VWA2: variants seen among roughly 807,000 people sequenced by gnomAD.
VWA2 encodes von Willebrand factor A domain-containing protein 2.
A neutral mutation model predicts 70.4 loss-of-function variants in VWA2; 73 were observed. The ratio of observed to expected loss-of-function variants is 1.04; its 90% CI spans 0.86 to 1.26. VWA2 has a LOEUF of 1.26. VWA2 is among the 50% of genes most tolerant of loss of function. The pLI, the probability that VWA2 is intolerant of heterozygous loss-of-function variation, is 0.00. For missense variants in VWA2, 1,011 were observed against 998.5 expected (o/e 1.01, Z -0.17); for synonymous variants, 407 against 423.3 (o/e 0.96, Z 0.47).
intron 12 of VWA2, chr10:114,289,921 G>A: frequency 3.2e-6 from 1 of 316,314 alleles, no homozygotes; most frequent in Non-Finnish European, 5.9e-6. Context: ...GAACCCGGGA[G>A]GTGGAGGTTG....
rs914546594 is a variant in VWA2 at position 114,273,029 on chromosome 10, G to A, written c.566+95G>A. The A allele has an allele frequency of 1.4e-4, 151 of 1,067,022 alleles. 2 individuals carry two copies. Among genetic ancestry groups the A allele is most frequent in the South Asian group, 2.6e-4 (13 of 50,156 alleles). The allele number at this position is 1,067,022 out of a possible 1,614,324, so 66.1% of individuals were successfully genotyped here. ...GGGAAGGGAGGGGACTGGAAGAGCC[G>A]TCCAGGTCCTTCCCTGGATCTGTCT... On this transcript the variant is annotated intron_variant, in intron 6 of 13. Coordinates refer to ENST00000392982, the MANE Select transcript of VWA2 (RefSeq NM_001272046.2).
At chr10:114,246,459 C>T (rs571633313) in intron 1 of VWA2, 3 of 630,986 alleles carry the variant, frequency 4.8e-6, no homozygotes, top group African/African-American at 3.8e-5. Flanking sequence ...CAAGACCATG[C>T]CATTGCATTC....
chr10:114,269,605 G>T (rs945175584), intron 5 of VWA2, among the ~76,000 whole-genome samples: 4 of 152,116 alleles, frequency 2.6e-5, no homozygotes, highest in Non-Finnish European at 5.9e-5. Context: ...ACAAAATCTG[G>T]CTGGAACCCA....
chr10:114,271,503 A>G (rs910580446), intron 5 of VWA2, among the ~76,000 whole-genome samples: 13 of 152,122 alleles, frequency 8.5e-5, no homozygotes, highest in Non-Finnish European at 2.9e-5. Context: ...AGGTGGAACC[A>G]TAACATGAAA....
At chr10:114,262,234 G>A (rs1197711830) in intron 5 of VWA2, among the ~76,000 whole-genome samples, 1 of 151,576 alleles carries the variant, frequency 6.6e-6, no homozygotes, top group African/African-American at 2.4e-5. Context: ...GTTAGCTGAT[G>A]TGTACATCTG....
intron 1 of VWA2, among the ~76,000 whole-genome samples, chr10:114,244,147 A>C (rs1472185544): frequency 6.6e-6 from 1 of 152,214 alleles, no homozygotes; most frequent in Non-Finnish European, 1.5e-5. Context: ...GGTAAATCTC[A>C]TCTTGTGCCG....
intron 9 of VWA2, among the ~76,000 whole-genome samples, chr10:114,283,477 C>A (rs184232391): frequency 6.6e-6 from 1 of 152,202 alleles, no homozygotes; most frequent in South Asian, 2.1e-4. Context: ...TCCAGCACCA[C>A]GGCCTCTGAA....
chr10:114,259,484 TC>T (rs1475377769), intron 4 of VWA2, among the ~76,000 whole-genome samples: 1 of 152,186 alleles, frequency 6.6e-6, no homozygotes, highest in Non-Finnish European at 1.5e-5. Context: ...TTTTTTTTTT[TC>T]ATGTGGTCAC....
rs777441113 is a variant in VWA2 at position 114,278,778 on chromosome 10, G to A, written c.760G>A (p.Ala254Thr). Reference sequence around the variant, plus strand: ...GACGCTGGAGATGGTCCGGGAGTTCGCTGGCAATGCCCCATGCTGGAGAGG... The same window carrying A: ...GACGCTGGAGATGGTCCGGGAGTTCACTGGCAATGCCCCATGCTGGAGAGG... ...HRTLEMVREF[A>T]GNAPCWRGSR... The change falls in exon 8 of 14, where the codon GCT becomes ACT. Residue 254 changes from alanine to threonine, a missense_variant. Coordinates refer to ENST00000392982, the MANE Select transcript of VWA2 (RefSeq NM_001272046.2). 18 of 1,613,830 alleles carry A rather than the reference G, an allele frequency of 1.1e-5. No homozygotes were observed. The highest frequency in any genetic ancestry group is 8.8e-5 in the South Asian group (8 of 91,058).
intron 4 of VWA2, among the ~76,000 whole-genome samples, chr10:114,255,979 T>C (rs2037318557): frequency 6.6e-6 from 1 of 152,222 alleles, no homozygotes; most frequent in Non-Finnish European, 1.5e-5. Context: ...TTGGCAAATC[T>C]TGAAAAAAAC....
At chr10:114,272,659 C>A in intron 5 of VWA2, 81 bp from the exon 6 acceptor site, 1 of 1,277,324 alleles carries the variant, frequency 7.8e-7, no homozygotes, top group Non-Finnish European at 1.1e-6. Context: ...CGGAAGAGCT[C>A]ATCGATTTCA....
At chr10:114,260,187 C>T (rs11196675) in intron 4 of VWA2, among the ~76,000 whole-genome samples, 2 of 152,212 alleles carry the variant, frequency 1.3e-5, no homozygotes, top group East Asian at 1.9e-4. Context: ...CTTGGGCCCT[C>T]GGGAGGAAAG....
intron 9 of VWA2, among the ~76,000 whole-genome samples, chr10:114,283,821 C>T (rs1431947977): frequency 1.3e-5 from 2 of 152,244 alleles, no homozygotes; most frequent in Non-Finnish European, 2.9e-5. Context: ...CTGGCTGATA[C>T]AACAGCAGCC....
At chr10:114,245,242 A>G (rs2037045472) in intron 1 of VWA2, among the ~76,000 whole-genome samples, 1 of 152,228 alleles carries the variant, frequency 6.6e-6, no homozygotes, top group East Asian at 1.9e-4. Context: ...CTGGGCAAGC[A>G]GAGGCACATA....
At position 114,292,612 on chromosome 10, in the gene VWA2, T is replaced by C. The variant is rs896126797; in HGVS notation, c.*1375T>C. On this transcript the variant is annotated 3_prime_UTR_variant, in exon 14 of 14. Transcript: ENST00000392982. ...TACTTACTTCCCTATCGCTGCAGTA[T>C]TTAGGAATTACTTCTTCTCCTTGGT... Among the ~76,000 whole-genome samples the C allele has an allele frequency of 9.9e-5, 15 of 151,210 alleles. No individual in the cohort carries two copies. Among genetic ancestry groups the C allele is most frequent in the African/African-American group, 2.9e-4 (12 of 41,110 alleles).
chr10:114,250,131 C>T (rs2037165083), intron 2 of VWA2, among the ~76,000 whole-genome samples: 1 of 152,210 alleles, frequency 6.6e-6, no homozygotes, highest in Non-Finnish European at 1.5e-5. Context: ...AGACCTTGCT[C>T]TGTAGCACTT....
At position 114,289,075 on chromosome 10, in the gene VWA2, G is replaced by T. The variant is rs201102050; in HGVS notation, c.1708G>T (p.Val570Phe). The T allele has an allele frequency of 1.5e-4, 242 of 1,614,186 alleles. 1 individual carries two copies. In the Admixed American group the frequency reaches 3.9e-3, roughly 26 times the overall value. ...QFEVNPDVTQVGLVVYGSQVQ... is the reference protein window; with the variant it reads ...QFEVNPDVTQFGLVVYGSQVQ... Reference sequence around the variant, plus strand: ...TGAGGTGAACCCTGACGTGACACAGGTCGGCCTGGTGGTGTATGGCAGCCA... The same window carrying T: ...TGAGGTGAACCCTGACGTGACACAGTTCGGCCTGGTGGTGTATGGCAGCCA... The change falls in exon 12 of 14, where the codon GTC (valine) becomes TTC (phenylalanine). Residue 570 changes from valine to phenylalanine, a missense_variant. Val to Phe is a conservative substitution (Grantham distance 50, BLOSUM62 -1). Transcript: ENST00000392982.
intron 6 of VWA2, among the ~76,000 whole-genome samples, chr10:114,277,153 T>C: frequency 6.7e-6 from 1 of 148,644 alleles, no homozygotes; most frequent in South Asian, 2.1e-4. Flanking sequence ...TCTAGATACA[T>C]TACTGACTGC....
chr10:114,289,002 G>T lies in VWA2; in HGVS notation c.1635G>T (p.Glu545Asp). The change falls in exon 12 of 14, where the codon GAG (glutamate) becomes GAT (aspartate). Residue 545 changes from glutamate (E) to aspartate (D), a missense_variant. Transcript: ENST00000392982. The part of the protein sequence containing the change: ...MLDTSASVGP[E>D]NFAQMQSFVR... Reference sequence around the variant, plus strand: ...ACACCTCTGCCTCAGTAGGGCCCGAGAATTTTGCTCAGATGCAGAGCTTTG... The same window carrying T: ...ACACCTCTGCCTCAGTAGGGCCCGATAATTTTGCTCAGATGCAGAGCTTTG... 1 of 1,614,204 alleles carries T rather than the reference G, an allele frequency of 6.2e-7. No homozygotes were observed. The highest frequency in any genetic ancestry group is 2.2e-5 in the East Asian group (1 of 44,868).
Sources: gnomAD v4.1 joint callset for allele counts (sites outside exome capture counted in the v4.1 genomes callset) on GRCh38, gnomAD v4.1.1 for gene constraint, MANE v1.5 for transcripts, NCBI Gene and HGNC (gene_info 2026-07-23, HGNC 2026-07-21) for gene names.